Variants in CRYBG3 observed in about 807,000 individuals in gnomAD.
The protein encoded by CRYBG3 is very large A-kinase anchor protein.
A neutral mutation model predicts 244.2 loss-of-function variants in CRYBG3; 127 were observed. The ratio of observed to expected loss-of-function variants is 0.52; its 90% CI spans 0.45 to 0.60. The LOEUF is 0.60. Among genes scored for constraint, CRYBG3 ranks in the 20% least tolerant of loss-of-function variants. The pLI is 0.00. For synonymous variants in CRYBG3, 1,132 were observed against 1,195.8 expected, an observed-to-expected ratio of 0.95 and a Z score of 1.10; for missense variants, 3,325 against 3,442.5, an observed-to-expected ratio of 0.97 and a Z score of 0.85.
At chr3:97,933,871 TG>T (rs1553710271) in intron 18 of CRYBG3, 38 bp downstream of exon 18, 58 of 1,595,106 alleles carry the variant, frequency 3.6e-5, no homozygotes, top group Non-Finnish European at 4.3e-5. Context: ...GTTCAGTTAC[TG>T]TTTTAAGACA....
chr3:97,876,079 G>A lies in CRYBG3; in HGVS notation c.4885G>A (p.Gly1629Arg). The A allele has an allele frequency of 3.2e-6, 4 of 1,232,066 alleles. No homozygotes were observed. Among genetic ancestry groups the A allele is most frequent in the Non-Finnish European group, 4.0e-6 (4 of 987,926 alleles). 76.3% of individuals were successfully genotyped at this position (1,232,066 alleles called of 1,614,324 possible). ...AGCTTATAAGATGAAGGATACTGAAGGGGATATTGGCAAAATTGAGGTGAT... is the reference window on the plus strand; with the variant it reads ...AGCTTATAAGATGAAGGATACTGAAAGGGATATTGGCAAAATTGAGGTGAT... ...EKAYKMKDTEGDIGKIEVIPM... is the reference protein window; with the variant it reads ...EKAYKMKDTERDIGKIEVIPM... Residue 1629 changes from glycine (G) to arginine (R), a missense_variant, in exon 4 of 22, where the codon GGG becomes AGG. Physicochemically the swap from Gly to Arg is moderately radical, Grantham distance 125. Around this residue, in one of 4 missense-constraint regions of CRYBG3, gnomAD observed 635 missense variants for 771.7 expected, o/e 0.82. Coordinates refer to ENST00000389622, the MANE Select transcript of CRYBG3 (RefSeq NM_153605.4).
chr3:97,828,272 T>C (rs969811331), intron 1 of CRYBG3, among the ~76,000 whole-genome samples: 4 of 152,190 alleles, frequency 2.6e-5, no homozygotes, highest in Admixed American at 1.3e-4. Context: ...CAGATTCACA[T>C]ACTCAGCATT....
intron 1 of CRYBG3, chr3:97,840,612 AGC>A (rs2038798004): frequency 6.6e-6 from 1 of 152,114 alleles, no homozygotes. Context: ...TCATGAACTT[AGC>A]TGTATTTTCT....
chr3:97,829,796 G>A (rs1318720881), intron 1 of CRYBG3, among the ~76,000 whole-genome samples: 6 of 152,140 alleles, frequency 3.9e-5, no homozygotes, highest in Non-Finnish European at 8.8e-5. Flanking sequence ...CAGTTTTGTG[G>A]GGAAGGCAGA....
At chr3:97,937,230 T>C (rs1356632830) in intron 19 of CRYBG3, among the ~76,000 whole-genome samples, 1 of 152,090 alleles carries the variant, frequency 6.6e-6, no homozygotes, top group African/African-American at 2.4e-5. Context: ...TTCTAAGCAT[T>C]TGGATATTCC....
chr3:97,864,511 A>G lies in CRYBG3; in HGVS notation c.511A>G (p.Arg171Gly), dbSNP rs1014757356. Residue 171 changes from arginine to glycine, a missense_variant, in exon 3 of 22, where the codon AGA becomes GGA. Around this residue, in one of 4 missense-constraint regions of CRYBG3, gnomAD observed 1,526 missense variants for 1,443.2 expected, o/e 1.06. Coordinates refer to ENST00000389622, the MANE Select transcript of CRYBG3 (RefSeq NM_153605.4). ...DHHEDGIKREREIFSGSLRTQ... is the reference protein window; with the variant it reads ...DHHEDGIKREGEIFSGSLRTQ... The stretch of plus-strand genomic sequence containing the variant: ...TCATGAAGACGGGATCAAAAGGGAG[A>G]GAGAGATTTTCAGTGGCTCCCTAAG... The G allele has an allele frequency of 4.6e-6, 7 of 1,535,832 alleles. No homozygotes were observed. The African/African-American group carries it at 8.2e-5, about 18-fold the overall frequency.
In CRYBG3 at chr3:97,903,244, G is replaced by A. The variant is rs191107382; in HGVS notation, c.8004+2759G>A. On this transcript the variant is annotated intron_variant, in intron 15 of 21. Coordinates refer to ENST00000389622, the MANE Select transcript of CRYBG3 (RefSeq NM_153605.4). ...TAATAATTGTTGCTACTGTTTTCAT[G>A]TATGGGGGATAGGAAAATCACAGCT... Among the ~76,000 whole-genome samples the A allele has an allele frequency of 3.9e-5, 6 of 152,258 alleles. No individual in the cohort carries two copies. In the East Asian group the frequency reaches 1.2e-3, roughly 29 times the overall value.
At chr3:97,941,085 T>C in intron 19 of CRYBG3, 63 bp from the exon 20 acceptor site, 1 of 1,420,018 alleles carries the variant, frequency 7.0e-7, no homozygotes, top group Non-Finnish European at 9.7e-7. Flanking sequence ...GCTTTCCTCC[T>C]CTGGAAGGAT....
Position 97,915,712 on chromosome 3 carries a change from C to G in CRYBG3, c.8217C>G (p.Val2739=), listed in dbSNP as rs1381601985. 1 of 1,612,158 alleles carries G rather than the reference C, an allele frequency of 6.2e-7. No homozygotes were observed. ...LTSCGCPASK[V]KSLKPIDYVF... ...CCTGCGGTTGCCCAGCATCTAAAGT[C>G]AAATCTCTCAAGCCCATTGACTATG... The change falls in exon 17 of 22, where the codon GTC becomes GTG. Residue 2739 remains valine, a synonymous_variant. Coordinates refer to ENST00000389622, the MANE Select transcript of CRYBG3 (RefSeq NM_153605.4).
At chr3:97,854,787 A>G (rs1178232012) in intron 2 of CRYBG3, among the ~76,000 whole-genome samples, 2 of 152,088 alleles carry the variant, frequency 1.3e-5, no homozygotes, top group South Asian at 2.1e-4. Flanking sequence ...AAACACGATC[A>G]TATCATCAGC....
At chr3:97,836,140 G>T (rs1157367331) in intron 1 of CRYBG3, among the ~76,000 whole-genome samples, 1 of 152,048 alleles carries the variant, frequency 6.6e-6, no homozygotes, top group Non-Finnish European at 1.5e-5. Context: ...TATAGGAGAG[G>T]ACTGACCTTA....
intron 17 of CRYBG3, among the ~76,000 whole-genome samples, chr3:97,921,555 A>G (rs989952990): frequency 6.6e-6 from 1 of 152,168 alleles, no homozygotes; most frequent in Non-Finnish European, 1.5e-5. Context: ...TGGACTTACT[A>G]TAGGTTTGTG....
At chr3:97,868,462 C>T (rs932834802) in intron 3 of CRYBG3, among the ~76,000 whole-genome samples, 1 of 152,036 alleles carries the variant, frequency 6.6e-6, no homozygotes, top group Non-Finnish European at 1.5e-5. Flanking sequence ...TGAAGCTGAA[C>T]TTGTCACTTT....
rs554700246 is a variant in CRYBG3, at chr3:97,875,702, T to C, written c.4508T>C (p.Ile1503Thr). The C allele has an allele frequency of 4.1e-6, 5 of 1,232,434 alleles. No individual in the cohort carries two copies. In the South Asian group the frequency reaches 2.1e-4, roughly 51 times the overall value. 76.3% of individuals were successfully genotyped at this position (1,232,434 alleles called of 1,614,324 possible). A position where few individuals can be genotyped will look rare whatever the true frequency, so the allele number is the denominator to read the frequency against. The stretch of plus-strand genomic sequence containing the variant: ...AGTTTGTCTGATAGCCTTGTATGTA[T>C]ATCTGAAAAAAACTTGCCAGGACAC... ...KSSLSDSLVC[I>T]SEKNLPGHSK... Residue 1503 changes from isoleucine (I) to threonine (T), a missense_variant, in exon 4 of 22, where the codon ATA becomes ACA. Coordinates refer to ENST00000389622, the MANE Select transcript of CRYBG3 (RefSeq NM_153605.4).
At chr3:97,827,148 G>A (rs141510169) in intron 1 of CRYBG3, among the ~76,000 whole-genome samples, 122 of 152,294 alleles carry the variant, frequency 8.0e-4, no homozygotes, top group Middle Eastern at 3.4e-3. Flanking sequence ...GCATCCCTTC[G>A]GGAATCAACA....
At chr3:97,888,242 T>G in intron 8 of CRYBG3, 99 bp from the exon 9 acceptor site, 1 of 663,034 alleles carries the variant, frequency 1.5e-6, no homozygotes, top group Non-Finnish European at 2.6e-6. Context: ...AATTCTGTGA[T>G]GGAGGATTTT....
chr3:97,846,666 CT>C (rs2038907217), intron 2 of CRYBG3, among the ~76,000 whole-genome samples: 1 of 152,096 alleles, frequency 6.6e-6, no homozygotes, highest in Admixed American at 6.6e-5. Context: ...CAAGCAAACT[CT>C]TAGTTTTAAT....
intron 16 of CRYBG3, among the ~76,000 whole-genome samples, chr3:97,913,183 T>C (rs2039891479): frequency 6.6e-6 from 1 of 152,154 alleles, no homozygotes; most frequent in Non-Finnish European, 1.5e-5. Context: ...GTTTAATATT[T>C]TTACTAATGC....
chr3:97,896,768 T>C (rs1425342728), intron 12 of CRYBG3, among the ~76,000 whole-genome samples: 2 of 152,180 alleles, frequency 1.3e-5, no homozygotes, highest in Non-Finnish European at 2.9e-5. Context: ...GAGGCAACGG[T>C]TGCTGCCAAA....
Sources: gnomAD v4.1 joint callset for allele counts (sites outside exome capture counted in the v4.1 genomes callset) on GRCh38, gnomAD v4.1.1 for gene constraint, gnomAD v4.1.1 regional missense constraint, MANE v1.5 for transcripts, NCBI Gene and HGNC (gene_info 2026-07-23, HGNC 2026-07-21) for gene names.